SMIM14: variants seen among roughly 807,000 people sequenced by gnomAD.
The protein encoded by SMIM14 is small integral membrane protein 14.
A neutral mutation model predicts 12.6 loss-of-function variants in SMIM14; 5 were observed. The ratio of observed to expected loss-of-function variants is 0.40; its 90% CI spans 0.21 to 0.83. SMIM14 has a LOEUF of 0.83. SMIM14 is among the 40% of genes least tolerant of loss of function. The pLI, the probability that SMIM14 is intolerant of heterozygous loss-of-function variation, is 0.37. For synonymous variants in SMIM14, 30 were observed against 40.1 expected (o/e 0.75, Z 0.95); for missense variants, 86 against 119.1 (o/e 0.72, Z 1.29).
chr4:39,597,737 A>G (rs1055840089), intron 2 of SMIM14, among the ~76,000 whole-genome samples: 2 of 152,142 alleles, frequency 1.3e-5, no homozygotes, highest in African/African-American at 4.8e-5. Flanking sequence ...GATTTTTCCT[A>G]TTAGTAAGTA....
Position 39,638,763 on chromosome 4 carries a change from C to T in SMIM14, c.-60G>A. 1 of 985,422 alleles carries T rather than the reference C, an allele frequency of 1.0e-6. No homozygotes were observed. Among genetic ancestry groups the T allele is most frequent in the Non-Finnish European group, 1.2e-6 (1 of 829,990 alleles). 61.0% of individuals were successfully genotyped at this position (985,422 alleles called of 1,614,324 possible). On this transcript the variant is annotated 5_prime_UTR_variant, in exon 1 of 5. Coordinates refer to ENST00000295958, the MANE Select transcript of SMIM14 (RefSeq NM_174921.3). ...CCCGCCCAGACAACAACCGATGGGGCGGGGAGGATGGGGGCCGGGACCGAG... is the reference window on the plus strand; with the variant it reads ...CCCGCCCAGACAACAACCGATGGGGTGGGGAGGATGGGGGCCGGGACCGAG...
At chr4:39,582,880 C>T (rs1029757659) in intron 2 of SMIM14, among the ~76,000 whole-genome samples, 3 of 151,976 alleles carry the variant, frequency 2.0e-5, no homozygotes, top group Admixed American at 6.6e-5. Context: ...CCACAACCTC[C>T]GCCTCCCGGG....
At chr4:39,590,539 C>T (rs1307035936) in intron 2 of SMIM14, among the ~76,000 whole-genome samples, 1 of 151,994 alleles carries the variant, frequency 6.6e-6, no homozygotes, top group East Asian at 1.9e-4. Flanking sequence ...TGGTGGCTCA[C>T]GCCTGTAATC....
intron 1 of SMIM14, among the ~76,000 whole-genome samples, chr4:39,621,902 G>C (rs1002477751): frequency 6.7e-6 from 1 of 149,700 alleles, no homozygotes; most frequent in Non-Finnish European, 1.5e-5. Flanking sequence ...GGCTAGTCTC[G>C]AACTCCCAGG....
Position 39,638,819 on chromosome 4 carries a change from G to A in SMIM14, c.-116C>T. On this transcript the variant is annotated 5_prime_UTR_variant, in exon 1 of 5. Coordinates refer to ENST00000295958, the MANE Select transcript of SMIM14 (RefSeq NM_174921.3). Reference sequence around the variant, plus strand: ...GCAGAAAGACCGCCTGGAGCTTCCAGAAGGCTGCGGCTGCTCCGGACGCTG... The same window carrying A: ...GCAGAAAGACCGCCTGGAGCTTCCAAAAGGCTGCGGCTGCTCCGGACGCTG... 1 of 985,864 alleles carries A rather than the reference G, an allele frequency of 1.0e-6. No homozygotes were observed. Among genetic ancestry groups the A allele is most frequent in the Non-Finnish European group, 1.2e-6 (1 of 830,264 alleles). 61.1% of individuals were successfully genotyped at this position (985,864 alleles called of 1,614,324 possible). A position where few individuals can be genotyped will look rare whatever the true frequency, so the allele number is the denominator to read the frequency against.
chr4:39,618,112 A>G (rs1384976396), intron 1 of SMIM14, among the ~76,000 whole-genome samples: 1 of 152,194 alleles, frequency 6.6e-6, no homozygotes, highest in African/African-American at 2.4e-5. Context: ...TAACAAGTGA[A>G]GCCAGCATAG....
chr4:39,615,871 A>G (rs1225203375), intron 1 of SMIM14, among the ~76,000 whole-genome samples: 1 of 152,200 alleles, frequency 6.6e-6, no homozygotes, highest in Non-Finnish European at 1.5e-5. Context: ...CTTAAGAATT[A>G]TATTTCTATC....
At chr4:39,576,175 G>GT (rs1437458210) in intron 2 of SMIM14, among the ~76,000 whole-genome samples, 14 of 151,342 alleles carry the variant, frequency 9.3e-5, no homozygotes, top group Admixed American at 8.6e-4. Flanking sequence ...GATTACAGGC[G>GT]TGAGTCACCA....
At chr4:39,564,074 A>G (rs938544368) in intron 3 of SMIM14, among the ~76,000 whole-genome samples, 1 of 152,152 alleles carries the variant, frequency 6.6e-6, no homozygotes, top group African/African-American at 2.4e-5. Context: ...GAATATTCAC[A>G]ATGAAGCTGT....
At chr4:39,584,737 A>G (rs1207684434) in intron 2 of SMIM14, among the ~76,000 whole-genome samples, 3 of 146,410 alleles carry the variant, frequency 2.0e-5, no homozygotes, top group South Asian at 4.4e-4. Context: ...CAGAGGTTGC[A>G]GTAAACCAAG....
rs945104497 is a variant in SMIM14 at position 39,548,624 on chromosome 4, A to G, written c.*3502T>C. The G allele has an allele frequency of 6.6e-6, 1 of 152,154 alleles. No homozygotes were observed. The highest frequency in any genetic ancestry group is 2.4e-5 in the African/African-American group (1 of 41,466). The allele number at this position is 152,154 out of a possible 1,614,324, so 9.4% of individuals were successfully genotyped here. On this transcript the variant is annotated 3_prime_UTR_variant, in exon 5 of 5. Transcript: ENST00000295958. ...GTAGCCACACTTCAGATGAATGTTT[A>G]CAAGCCAAATAATGATTTAAGAGTG...
rs375688072 is a variant in SMIM14 at position 39,575,855 on chromosome 4, A to C, written c.76-3392T>G. ...AAGGATCCACCCGCCTCAGCCTCCC[A>C]AAGTGCTGGGATTACAGGCGTGAGC... On this transcript the variant is annotated intron_variant, in intron 2 of 4. Coordinates refer to ENST00000295958, the MANE Select transcript of SMIM14 (RefSeq NM_174921.3). Among the ~76,000 whole-genome samples the C allele has an allele frequency of 1.1e-4, 16 of 150,088 alleles. No individual in the cohort carries two copies. The East Asian group carries it at 2.4e-3, about 22-fold the overall frequency.
rs1712124788 is a variant in SMIM14, at chr4:39,558,480, A to G, written c.125-1910T>C. Reference sequence around the variant, plus strand: ...AAGCCTTTTTGTTCTTTGTACAATCAGTGAGCTCCCAGGAAAAAGTTTCCT... The same window carrying G: ...AAGCCTTTTTGTTCTTTGTACAATCGGTGAGCTCCCAGGAAAAAGTTTCCT... On this transcript the variant is annotated intron_variant, in intron 3 of 4. Coordinates refer to ENST00000295958, the MANE Select transcript of SMIM14 (RefSeq NM_174921.3). The surrounding 1 kb of genome is among the most constrained non-coding windows in gnomAD (Gnocchi z 4.3). 6.6e-6 allele frequency among the ~76,000 whole-genome samples: 1 copy of G among 152,212 alleles called. No individual in the cohort carries two copies.
chr4:39,615,992 C>T lies in SMIM14; in HGVS notation c.-35-10812G>A, dbSNP rs895091203. On this transcript the variant is annotated intron_variant, in intron 1 of 4. Coordinates refer to ENST00000295958, the MANE Select transcript of SMIM14 (RefSeq NM_174921.3). ...TGGTACATTCAAGCAATGAAACATA[C>T]TATGTAGTAACATGGTATAGCTAGC... is the stretch of plus-strand genomic sequence containing the variant. Among the ~76,000 whole-genome samples the T allele has an allele frequency of 2.6e-5, 4 of 152,196 alleles. No homozygotes were observed. The East Asian group carries it at 7.7e-4, about 29-fold the overall frequency.
intron 2 of SMIM14, among the ~76,000 whole-genome samples, chr4:39,575,655 G>T (rs1284721945): frequency 1.3e-5 from 2 of 152,072 alleles, no homozygotes; most frequent in East Asian, 3.9e-4. Flanking sequence ...CACAATCTTG[G>T]CTCACTGCAA....
Position 39,549,475 on chromosome 4 carries a change from T to A in SMIM14, c.*2651A>T. ...TTTTTGTAGGCACGGGGTTTCACCG[T>A]CTTGGCCAGGCTGGTCTCAACCTCC... On this transcript the variant is annotated 3_prime_UTR_variant, in exon 5 of 5. Transcript: ENST00000295958. 6.6e-6 allele frequency: 1 copy of A among 152,106 alleles called. No homozygotes were observed. The highest frequency in any genetic ancestry group is 1.5e-5 in the Non-Finnish European group (1 of 68,084). 9.4% of individuals were successfully genotyped at this position (152,106 alleles called of 1,614,324 possible). A position where few individuals can be genotyped will look rare whatever the true frequency, so the allele number is the denominator to read the frequency against.
intron 1 of SMIM14, among the ~76,000 whole-genome samples, chr4:39,625,421 T>A (rs892291200): frequency 3.8e-4 from 56 of 148,692 alleles, no homozygotes; most frequent in African/African-American, 1.3e-3. Flanking sequence ...GGATTAAAAC[T>A]CCCTGAAACT....
intron 1 of SMIM14, among the ~76,000 whole-genome samples, chr4:39,624,493 T>C (rs905640626): frequency 6.6e-6 from 1 of 152,214 alleles, no homozygotes; most frequent in Non-Finnish European, 1.5e-5. Flanking sequence ...AAGACAACTT[T>C]AGAGCAGTAC....
chr4:39,612,262 T>G (rs1285890091), intron 1 of SMIM14, among the ~76,000 whole-genome samples: 1 of 152,164 alleles, frequency 6.6e-6, no homozygotes, highest in Admixed American at 6.5e-5. Flanking sequence ...CTTTTTTTGT[T>G]TTTTCTTTCT....
Sources: allele counts gnomAD v4.1 joint callset (sites outside exome capture counted in the v4.1 genomes callset), GRCh38; gene constraint gnomAD v4.1.1; non-coding constraint Gnocchi (gnomAD v3.1); transcripts MANE v1.5; gene names NCBI Gene and HGNC (gene_info 2026-07-23, HGNC 2026-07-21).